Variants in OMA1 observed in about 807,000 individuals in gnomAD.
OMA1 encodes the protein OMA1 zinc metallopeptidase, also known as metalloendopeptidase OMA1, mitochondrial.
Under a neutral mutation model 30.9 loss-of-function variants are expected in OMA1, and 38 were observed. The observed-to-expected ratio is 1.23, with a 90% CI of 0.95 to 1.61. OMA1 has a LOEUF of 1.61. Ranked by LOEUF, OMA1 falls within the 40% of genes most tolerant of loss-of-function variation. The probability of loss-of-function intolerance (pLI) is 0.00; values close to 1 mark genes in which losing one functional copy is unlikely to be tolerated. For missense variants in OMA1, 461 were observed against 349.2 expected, an observed-to-expected ratio of 1.32 and a Z score of -2.55; for synonymous variants, 173 against 121.9, an observed-to-expected ratio of 1.42 and a Z score of -2.76.
chr1:58,481,212 A>C, intron 8 of OMA1, 38 bp from the exon 9 acceptor site: 3 of 671,372 alleles, frequency 4.5e-6, no homozygotes, highest in Non-Finnish European at 5.1e-6. Flanking sequence ...TACTATATAT[A>C]TACATCAATG....
chr1:58,525,533 C>A (rs1027508411), intron 7 of OMA1, among the ~76,000 whole-genome samples: 3 of 151,896 alleles, frequency 2.0e-5, no homozygotes, highest in Non-Finnish European at 2.9e-5. Context: ...TTCCTACATA[C>A]AAAAAAATTT....
chr1:58,529,729 C>T (rs970719347), intron 6 of OMA1, among the ~76,000 whole-genome samples: 11 of 151,586 alleles, frequency 7.3e-5, no homozygotes, highest in Admixed American at 6.6e-4. Flanking sequence ...AAAATATCTA[C>T]GAAAAAACAA....
chr1:58,544,356 T>A (rs7515354), intron 1 of OMA1, among the ~76,000 whole-genome samples: 139,571 of 152,200 alleles, frequency 0.92, 64,390 homozygotes, highest in East Asian at 1. Context: ...AAACAGATTT[T>A]AAAAAACCCT....
rs1491485600 is a variant in OMA1, at chr1:58,528,341, AGT to A, written c.1141-1008_1141-1007del. Among the ~76,000 whole-genome samples the A allele has an allele frequency of 3.3e-5, 5 of 152,342 alleles. No homozygotes were observed. The South Asian group carries it at 6.2e-4, about 19-fold the overall frequency. On this transcript the variant is annotated intron_variant, in intron 6 of 8. Coordinates refer to ENST00000371226, the MANE Select transcript of OMA1 (RefSeq NM_145243.5). Reference sequence around the variant, plus strand: ...ATTGTTTAACCCTGCTAAACCCAGTAGTATCATATGTAAAATGAAGCTAGTAA... The same window carrying A: ...ATTGTTTAACCCTGCTAAACCCAGTAATCATATGTAAAATGAAGCTAGTAA...
At chr1:58,526,329 A>G (rs1014751481) in intron 7 of OMA1, among the ~76,000 whole-genome samples, 1 of 152,120 alleles carries the variant, frequency 6.6e-6, no homozygotes, top group Non-Finnish European at 1.5e-5. Context: ...TAAATCCATA[A>G]AACTTATGAG....
At chr1:58,546,083 C>T (rs1222855039) in intron 1 of OMA1, among the ~76,000 whole-genome samples, 1 of 152,218 alleles carries the variant, frequency 6.6e-6, no homozygotes, top group African/African-American at 2.4e-5. Context: ...TTGCTCCACA[C>T]ACAGGCGACA....
intron 8 of OMA1, among the ~76,000 whole-genome samples, chr1:58,482,330 A>G (rs935509649): frequency 1.3e-5 from 2 of 152,214 alleles, no homozygotes; most frequent in African/African-American, 2.4e-5. Flanking sequence ...GAATCGTCCA[A>G]TAGAATTGGA....
At chr1:58,531,631 A>G (rs1646434933) in intron 5 of OMA1, among the ~76,000 whole-genome samples, 1 of 152,202 alleles carries the variant, frequency 6.6e-6, no homozygotes, top group African/African-American at 2.4e-5. Context: ...GTACCCTCAC[A>G]AAACATACTT....
intron 1 of OMA1, among the ~76,000 whole-genome samples, chr1:58,542,271 G>C (rs190689247): frequency 2.0e-5 from 3 of 152,266 alleles, no homozygotes; most frequent in Admixed American, 2.0e-4. Flanking sequence ...GAACCAAGCT[G>C]AAAAATTGTT....
intron 8 of OMA1, among the ~76,000 whole-genome samples, chr1:58,481,966 AT>A (rs1437477841): frequency 1.3e-5 from 2 of 152,246 alleles, no homozygotes; most frequent in African/African-American, 4.8e-5. Context: ...CATTAGCAGC[AT>A]GAGAATGGAC....
At chr1:58,535,529 G>C (rs1244546012) in intron 3 of OMA1, among the ~76,000 whole-genome samples, 2 of 151,312 alleles carry the variant, frequency 1.3e-5, no homozygotes, top group African/African-American at 4.9e-5. Flanking sequence ...CTGTAAGGTG[G>C]AGGTTGCAGT....
chr1:58,511,816 C>A (rs918201182), intron 7 of OMA1, among the ~76,000 whole-genome samples: 10 of 152,010 alleles, frequency 6.6e-5, no homozygotes, highest in Non-Finnish European at 1.5e-4. Flanking sequence ...CTATAAAACT[C>A]CTAGAAGAAA....
chr1:58,507,825 A>G (rs1190666347), intron 7 of OMA1, among the ~76,000 whole-genome samples: 1 of 152,170 alleles, frequency 6.6e-6, no homozygotes, highest in Non-Finnish European at 1.5e-5. Context: ...ATACAGGCTG[A>G]GATTAACAAG....
intron 1 of OMA1, 189 bp downstream of exon 1, chr1:58,546,514 C>G (rs1376108612): frequency 6.6e-6 from 1 of 150,962 alleles, no homozygotes; most frequent in Non-Finnish European, 1.5e-5. Context: ...CGCCCCTCCC[C>G]TCCACGCAGC....
At chr1:58,488,271 T>C (rs1468948084) in intron 8 of OMA1, among the ~76,000 whole-genome samples, 1 of 152,218 alleles carries the variant, frequency 6.6e-6, no homozygotes, top group Non-Finnish European at 1.5e-5. Context: ...ATTTTTGTTA[T>C]ATTAATTTTA....
Position 58,481,112 on chromosome 1 carries a change from T to C in OMA1, c.1428A>G (p.Leu476=), listed in dbSNP as rs1645473993. ...PPLSNPDPRL[L]FKLSTKHFLE... The stretch of plus-strand genomic sequence containing the variant: ...GAAAATGCTTCGTGCTGAGTTTGAA[T>C]AGTAATCGAGGGTCTGGATTAGACA... The change falls in exon 9 of 9, where the codon CTA becomes CTG. Residue 476 remains leucine, a synonymous_variant. Coordinates refer to ENST00000371226, the MANE Select transcript of OMA1 (RefSeq NM_145243.5). The C allele has an allele frequency of 1.1e-6, 1 of 871,968 alleles. No individual in the cohort carries two copies. The highest frequency in any genetic ancestry group is 2.4e-5 in the East Asian group (1 of 41,582). 54.0% of individuals were successfully genotyped at this position (871,968 alleles called of 1,614,324 possible). A position where few individuals can be genotyped will look rare whatever the true frequency, so the allele number is the denominator to read the frequency against.
At chr1:58,508,020 C>T (rs1311890976) in intron 7 of OMA1, among the ~76,000 whole-genome samples, 1 of 152,134 alleles carries the variant, frequency 6.6e-6, no homozygotes, top group Non-Finnish European at 1.5e-5. Context: ...TAGCCTAAAA[C>T]TGTTAATCAA....
chr1:58,523,695 C>T (rs1033477871), intron 7 of OMA1, among the ~76,000 whole-genome samples: 8 of 152,080 alleles, frequency 5.3e-5, no homozygotes, highest in African/African-American at 1.2e-4. Flanking sequence ...GTCAGGAGAT[C>T]GAGACCATCC....
chr1:58,530,730 C>G lies in OMA1; in HGVS notation c.1012-1G>C. 1.1e-6 allele frequency: 1 copy of G among 871,554 alleles called. No individual in the cohort carries two copies. Among genetic ancestry groups the G allele is most frequent in the Non-Finnish European group, 2.0e-6 (1 of 500,978 alleles). 54.0% of individuals were successfully genotyped at this position (871,554 alleles called of 1,614,324 possible). On this transcript the variant is annotated splice_acceptor_variant, in intron 5 of 8. Coordinates refer to ENST00000371226, the MANE Select transcript of OMA1 (RefSeq NM_145243.5). LOFTEE classifies it high-confidence loss of function. The stretch of plus-strand genomic sequence containing the variant: ...AATGAACCATGCCAGCCTTTTCTGC[C>G]TAAGAATAATCAAAATAATAAAAAC...
Sources: allele counts gnomAD v4.1 joint callset (sites outside exome capture counted in the v4.1 genomes callset), GRCh38; gene constraint gnomAD v4.1.1; transcripts MANE v1.5; gene names NCBI Gene and HGNC (gene_info 2026-07-23, HGNC 2026-07-21).